The following NALF1 variants were observed in gnomAD, a reference collection of about 807,000 sequenced individuals.
NALF1 encodes NALCN channel auxiliary factor 1.
NALF1 carries 3 observed loss-of-function variants against 48.4 expected under a neutral mutation model. The ratio of observed to expected loss-of-function variants is 0.06; its 90% CI spans 0.03 to 0.16. The LOEUF is 0.16. NALF1 is among the 10% of genes least tolerant of loss of function. The pLI, the probability that NALF1 is intolerant of heterozygous loss-of-function variation, is 1.00. For missense variants in NALF1, 526 were observed against 571.5 expected, an observed-to-expected ratio of 0.92 and a Z score of 0.81; for synonymous variants, 262 against 245.7, an observed-to-expected ratio of 1.07 and a Z score of -0.62.
intron 1 of NALF1, among the ~76,000 whole-genome samples, chr13:107,849,823 A>T (rs1327090938): frequency 1.3e-5 from 2 of 152,162 alleles, no homozygotes; most frequent in African/African-American, 2.4e-5. Context: ...GACAAAAATA[A>T]TCAAGAAACA....
intron 1 of NALF1, among the ~76,000 whole-genome samples, chr13:107,811,421 A>T (rs1297367623): frequency 6.6e-6 from 1 of 152,058 alleles, no homozygotes; most frequent in African/African-American, 2.4e-5. Context: ...TTAATCTCCA[A>T]TGTGCCTTTT....
intron 1 of NALF1, among the ~76,000 whole-genome samples, chr13:107,648,266 C>A (rs182184579): frequency 7.7e-4 from 118 of 152,262 alleles, no homozygotes; most frequent in South Asian, 5.0e-3. Context: ...TGCCCATCGT[C>A]ATGGGTCCAC....
Position 107,414,217 on chromosome 13 carries a change from G to A in NALF1, c.916-203462C>T, listed in dbSNP as rs145337194. 1.5e-3 allele frequency among the ~76,000 whole-genome samples: 231 copies of A among 149,494 alleles called. 7 individuals are homozygous for A. In the East Asian group the frequency reaches 0.039, roughly 25 times the overall value. ...ATAATTTGAAAAACATATATATATA[G>A]AACTTTTATGATGCCAATTTTAATA... On this transcript the variant is annotated intron_variant, in intron 1 of 2. Transcript: ENST00000375915.
intron 1 of NALF1, among the ~76,000 whole-genome samples, chr13:107,371,890 T>A (rs1883253955): frequency 6.6e-6 from 1 of 152,246 alleles, no homozygotes; most frequent in Non-Finnish European, 1.5e-5. Flanking sequence ...AACATATCTT[T>A]TGAAATAAAA....
At chr13:107,502,575 T>C (rs1875558294) in intron 1 of NALF1, among the ~76,000 whole-genome samples, 1 of 152,274 alleles carries the variant, frequency 6.6e-6, no homozygotes, top group South Asian at 2.1e-4. Context: ...CTAAACTCCT[T>C]AACCCTTCCC....
chr13:107,577,353 T>C (rs1321174130), intron 1 of NALF1, among the ~76,000 whole-genome samples: 1 of 152,068 alleles, frequency 6.6e-6, no homozygotes, highest in Non-Finnish European at 1.5e-5. Flanking sequence ...CTAAAGTTGG[T>C]TGGAAACTGG....
intron 1 of NALF1, among the ~76,000 whole-genome samples, chr13:107,322,148 C>T (rs1383268720): frequency 6.6e-6 from 1 of 152,148 alleles, no homozygotes; most frequent in Non-Finnish European, 1.5e-5. Context: ...GTGAATCCAA[C>T]CTTCTTTTGT....
chr13:107,351,138 T>C (rs563498546), intron 1 of NALF1, among the ~76,000 whole-genome samples: 44 of 152,314 alleles, frequency 2.9e-4, no homozygotes, highest in Admixed American at 2.2e-3. Flanking sequence ...TGGTGATAAA[T>C]GCAAGATAAA....
chr13:107,199,872 C>A (rs1270620896), intron 2 of NALF1, among the ~76,000 whole-genome samples: 1 of 152,204 alleles, frequency 6.6e-6, no homozygotes, highest in Non-Finnish European at 1.5e-5. Context: ...GCCACAGACA[C>A]CCGTGGGCGG....
In NALF1 at chr13:107,460,335, G is replaced by A. The variant is rs1173563101; in HGVS notation, c.916-249580C>T. ...GTCCTGTAGATGGGAGCTCAGCAAC[G>A]AGGGTTATCTACTCTTTACATAACA... On this transcript the variant is annotated intron_variant, in intron 1 of 2. Coordinates refer to ENST00000375915, the MANE Select transcript of NALF1 (RefSeq NM_001080396.3). 4.6e-5 allele frequency among the ~76,000 whole-genome samples: 7 copies of A among 152,200 alleles called. 1 individual carries two copies. The highest frequency in any genetic ancestry group is 4.1e-4 in the South Asian group (2 of 4,834).
At chr13:107,343,464 G>C (rs1882718884) in intron 1 of NALF1, among the ~76,000 whole-genome samples, 1 of 152,090 alleles carries the variant, frequency 6.6e-6, no homozygotes, top group Non-Finnish European at 1.5e-5. Context: ...GTTTTAAAAA[G>C]AGGAGTTCCC....
At chr13:107,535,139 G>T (rs554429512) in intron 1 of NALF1, among the ~76,000 whole-genome samples, 1 of 152,210 alleles carries the variant, frequency 6.6e-6, no homozygotes, top group Non-Finnish European at 1.5e-5. Flanking sequence ...GGGACAATTT[G>T]ACTTCCTCTT....
intron 1 of NALF1, among the ~76,000 whole-genome samples, chr13:107,351,290 T>A (rs1431328477): frequency 6.6e-6 from 1 of 152,164 alleles, no homozygotes; most frequent in African/African-American, 2.4e-5. Context: ...ATTGTAGTGA[T>A]GGTGTGAGAG....
intron 1 of NALF1, among the ~76,000 whole-genome samples, chr13:107,739,869 G>A (rs986343719): frequency 2.0e-5 from 3 of 152,210 alleles, no homozygotes; most frequent in Non-Finnish European, 2.9e-5. Flanking sequence ...AACTGCACAT[G>A]TGAGGGATCT....
chr13:107,211,365 A>C (rs1879758074), intron 1 of NALF1, among the ~76,000 whole-genome samples: 1 of 152,230 alleles, frequency 6.6e-6, no homozygotes, highest in African/African-American at 2.4e-5. Flanking sequence ...CATAGAGCAG[A>C]CATCATATGC....
In NALF1 at chr13:107,766,158, C is replaced by A. The variant is rs904609365; in HGVS notation, c.915+99524G>T. 3.9e-5 allele frequency among the ~76,000 whole-genome samples: 6 copies of A among 152,074 alleles called. No individual in the cohort carries two copies. The East Asian group carries it at 9.6e-4, about 24-fold the overall frequency. Reference sequence around the variant, plus strand: ...AGATGTACGTGCAGCAATAATGAGGCCTTGCTACAGCCCCATTAGCCTGAG... The same window carrying A: ...AGATGTACGTGCAGCAATAATGAGGACTTGCTACAGCCCCATTAGCCTGAG... On this transcript the variant is annotated intron_variant, in intron 1 of 2. Transcript: ENST00000375915.
At chr13:107,859,774 G>C (rs1880519689) in intron 1 of NALF1, among the ~76,000 whole-genome samples, 1 of 151,940 alleles carries the variant, frequency 6.6e-6, no homozygotes, top group Admixed American at 6.6e-5. Flanking sequence ...ATGGTGGTAG[G>C]CTATAATCGC....
chr13:107,515,255 A>C (rs1876019714), intron 1 of NALF1, among the ~76,000 whole-genome samples: 1 of 152,196 alleles, frequency 6.6e-6, no homozygotes, highest in Admixed American at 6.5e-5. Flanking sequence ...GATGACAGTA[A>C]GATTGGAAAG....
At chr13:107,403,787 A>G (rs1883854818) in intron 1 of NALF1, among the ~76,000 whole-genome samples, 1 of 151,782 alleles carries the variant, frequency 6.6e-6, no homozygotes, top group South Asian at 2.1e-4. Flanking sequence ...TTTTAGCTTT[A>G]GTTTTTTATC....
Sources: gnomAD v4.1 joint callset for allele counts (sites outside exome capture counted in the v4.1 genomes callset) on GRCh38, gnomAD v4.1.1 for gene constraint, MANE v1.5 for transcripts, NCBI Gene and HGNC (gene_info 2026-07-23, HGNC 2026-07-21) for gene names.